SETMAR: variants seen among roughly 807,000 people sequenced by gnomAD.
The protein encoded by SETMAR is SET and mariner transposase domain methyltransferase, also known as histone-lysine N-methyltransferase SETMAR.
SETMAR carries 44 observed loss-of-function variants against 58.4 expected under a neutral mutation model. The ratio of observed to expected loss-of-function variants is 0.75; its 90% CI spans 0.59 to 0.97. The LOEUF (loss-of-function observed/expected upper bound fraction) is 0.97, where lower values mean the gene tolerates loss of function less well. Among genes scored for constraint, SETMAR ranks in the 50% least tolerant of loss-of-function variants. SETMAR has a pLI of 0.00. For missense variants in SETMAR, 903 were observed against 840.2 expected, an observed-to-expected ratio of 1.07 and a Z score of -0.92; for synonymous variants, 332 against 307.4, an observed-to-expected ratio of 1.08 and a Z score of -0.84.
At chr3:4,308,721 A>G (rs1698288320) in intron 1 of SETMAR, among the ~76,000 whole-genome samples, 1 of 152,214 alleles carries the variant, frequency 6.6e-6, no homozygotes, top group African/African-American at 2.4e-5. Context: ...CTCACAGTTC[A>G]AGACCATAGT....
At chr3:4,309,841 C>G (rs544146069) in intron 1 of SETMAR, among the ~76,000 whole-genome samples, 1 of 152,184 alleles carries the variant, frequency 6.6e-6, no homozygotes, top group Non-Finnish European at 1.5e-5. Context: ...CTTTCAGATA[C>G]AATTATACTT....
intron 2 of SETMAR, 48 bp from the exon 3 acceptor site, chr3:4,316,162 TTA>T: frequency 1.6e-6 from 1 of 632,946 alleles, no homozygotes; most frequent in Non-Finnish European, 2.9e-6. Context: ...GAGCATTTCT[TTA>T]TGTTTTTTTG....
rs1414563291 is a variant in SETMAR, at chr3:4,313,731, G to A, written c.990G>A (p.Val330=). The part of the protein sequence containing the change: ...EPSMCGSAPS[V]FPSCKRLTLE... ...GCATGTGTGGCTCAGCCCCTTCTGT[G>A]TTCCCCTCCTGCAAGCGATTGACCC... Residue 330 remains valine, a synonymous_variant, in exon 2 of 3, where the codon GTG becomes GTA. Transcript: ENST00000358065. The A allele has an allele frequency of 1.9e-6, 3 of 1,613,894 alleles. No homozygotes were observed. The highest frequency in any genetic ancestry group is 4.5e-5 in the East Asian group (2 of 44,884).
chr3:4,305,226 C>T (rs1051034873), intron 1 of SETMAR, among the ~76,000 whole-genome samples: 1 of 152,150 alleles, frequency 6.6e-6, no homozygotes, highest in Non-Finnish European at 1.5e-5. Flanking sequence ...GCTGGAATTA[C>T]AGGCGCCTAC....
intron 1 of SETMAR, among the ~76,000 whole-genome samples, chr3:4,309,789 T>A (rs967049800): frequency 6.6e-6 from 1 of 152,202 alleles, no homozygotes; most frequent in African/African-American, 2.4e-5. Context: ...CTGGCTTAGG[T>A]CATATCAGCT....
At position 4,312,911 on chromosome 3, in the gene SETMAR, A is replaced by G. The variant is rs878967018; in HGVS notation, c.170A>G (p.His57Arg). The G allele has an allele frequency of 1.9e-6, 3 of 1,611,634 alleles. No homozygotes were observed. The highest frequency in any genetic ancestry group is 2.2e-5 in the South Asian group (2 of 90,754). The change falls in exon 2 of 3, where the codon CAT becomes CGT. Residue 57 changes from histidine to arginine, a missense_variant. His to Arg is a conservative substitution (Grantham distance 29, BLOSUM62 0). Transcript: ENST00000358065. ...TATTTTTTACAGTACACTCCTGATC[A>G]TGTAGTTGGACCTGGAGCAGACATT... is the stretch of plus-strand genomic sequence containing the variant. The part of the protein sequence containing the change: ...APAPFQYTPD[H>R]VVGPGADIDP...
In SETMAR at chr3:4,313,462, G is replaced by T. The variant is rs367921221; in HGVS notation, c.721G>T (p.Val241Leu). Residue 241 changes from valine (V) to leucine (L), a missense_variant, in exon 2 of 3, where the codon GTA becomes TTA. By Grantham distance (32) the Val-to-Leu change is conservative. Transcript: ENST00000358065. ...GATTCCTGTCCGAATTGACTCAATG[G>T]TACCTAAGTTGGCACTTTTTGCAGC... ...LMIPVRIDSM[V>L]PKLALFAAKD... 3.7e-6 allele frequency: 6 copies of T among 1,613,848 alleles called. No individual in the cohort carries two copies. The highest frequency in any genetic ancestry group is 4.2e-6 in the Non-Finnish European group (5 of 1,180,002).
At chr3:4,316,089 G>T in intron 2 of SETMAR, 123 bp from the exon 3 acceptor site, 3 of 505,056 alleles carry the variant, frequency 5.9e-6, no homozygotes, top group Non-Finnish European at 7.0e-6. Context: ...TTGCATTGTT[G>T]GAATTTGGTA....
At chr3:4,310,105 A>G (rs1261211492) in intron 1 of SETMAR, among the ~76,000 whole-genome samples, 4 of 152,230 alleles carry the variant, frequency 2.6e-5, no homozygotes, top group Non-Finnish European at 5.9e-5. Flanking sequence ...GAAAACATAC[A>G]GCAAAAATAC....
chr3:4,313,819 G>A, intron 2 of SETMAR, 58 bp downstream of exon 2: 1 of 1,604,532 alleles, frequency 6.2e-7, no homozygotes, highest in Non-Finnish European at 8.5e-7. Flanking sequence ...ACAGTGGTTG[G>A]CTAGCTTTAC....
chr3:4,306,412 A>G (rs1349598203), intron 1 of SETMAR, among the ~76,000 whole-genome samples: 1 of 152,174 alleles, frequency 6.6e-6, no homozygotes, highest in Non-Finnish European at 1.5e-5. Flanking sequence ...AAGGGGAGAA[A>G]GGAGTGACAA....
chr3:4,308,062 C>CT (rs1424046953), intron 1 of SETMAR, among the ~76,000 whole-genome samples: 1 of 152,066 alleles, frequency 6.6e-6, no homozygotes, highest in Non-Finnish European at 1.5e-5. Context: ...GTCCTTTATA[C>CT]TTTTCTGACT....
rs1307189065 is a variant in SETMAR at position 4,309,113 on chromosome 3, G to C, written c.157-3785G>C. ...GGAATTGTTATTGTCTAAAAACTTA[G>C]GAATGCCTTGGGTAAGATAAAGGGT... On this transcript the variant is annotated intron_variant, in intron 1 of 2. Coordinates refer to ENST00000358065, the MANE Select transcript of SETMAR (RefSeq NM_006515.4). 2.0e-5 allele frequency among the ~76,000 whole-genome samples: 3 copies of C among 152,184 alleles called. No homozygotes were observed. In the East Asian group the frequency reaches 5.8e-4, roughly 29 times the overall value.
At chr3:4,307,343 C>T (rs1193437374) in intron 1 of SETMAR, among the ~76,000 whole-genome samples, 1 of 152,180 alleles carries the variant, frequency 6.6e-6, no homozygotes, top group Admixed American at 6.5e-5. Context: ...ATAGGAACCC[C>T]ACCCCCATCA....
At chr3:4,313,958 C>T in intron 2 of SETMAR, 197 bp downstream of exon 2, 2 of 974,366 alleles carry the variant, frequency 2.1e-6, no homozygotes, top group Non-Finnish European at 2.9e-6. Context: ...AGAATACTCA[C>T]TTTCCTAGTT....
chr3:4,314,029 A>C, intron 2 of SETMAR: 1 of 561,394 alleles, frequency 1.8e-6, no homozygotes, highest in Non-Finnish European at 3.1e-6. Context: ...AAGTCCTTAA[A>C]TGGAGATATC....
chr3:4,310,703 G>A (rs1002751441), intron 1 of SETMAR, among the ~76,000 whole-genome samples: 14 of 151,944 alleles, frequency 9.2e-5, no homozygotes, highest in East Asian at 1.9e-4. Flanking sequence ...TAAAAATAAC[G>A]AAATAAAACT....
chr3:4,303,930 C>CGGCCGGGCGCGGTGGCTCACGCCTGTAA, intron 1 of SETMAR: 3 of 1,160,634 alleles, frequency 2.6e-6, no homozygotes, highest in Non-Finnish European at 3.3e-6. Flanking sequence ...AAAACAGCCC[C>CGGCCGGGCGCGGTGGCTCACGCCTGTAA]TCGAGTCAGC....
intron 1 of SETMAR, among the ~76,000 whole-genome samples, chr3:4,308,194 G>A (rs1698266216): frequency 6.6e-6 from 1 of 152,200 alleles, no homozygotes; most frequent in African/African-American, 2.4e-5. Flanking sequence ...ATGGAGGAAA[G>A]GTATACAGTC....
Sources: allele counts gnomAD v4.1 joint callset (sites outside exome capture counted in the v4.1 genomes callset), GRCh38; gene constraint gnomAD v4.1.1; transcripts MANE v1.5; gene names NCBI Gene and HGNC (gene_info 2026-07-23, HGNC 2026-07-21).